Variants in SRCAP observed in about 807,000 individuals in gnomAD.
SRCAP encodes the protein chromatin remodeling protein SRCAP.
In SRCAP, 46 loss-of-function variants were observed where a neutral mutation model predicts 263.1. The ratio of observed to expected loss-of-function variants is 0.17; its 90% CI spans 0.14 to 0.22. The LOEUF (loss-of-function observed/expected upper bound fraction) is 0.22, where lower values mean the gene tolerates loss of function less well. Among genes scored for constraint, SRCAP ranks in the 10% least tolerant of loss-of-function variants. The pLI is 1.00. For synonymous variants in SRCAP, 1,813 were observed against 1,662.1 expected, an observed-to-expected ratio of 1.09 and a Z score of -2.21; for missense variants, 3,695 against 4,181.9, an observed-to-expected ratio of 0.88 and a Z score of 3.21.
At chr16:30,709,454 T>A (rs2052864616) in intron 6 of SRCAP, 59 bp from the exon 7 acceptor site, 4 of 1,587,546 alleles carry the variant, frequency 2.5e-6, no homozygotes, top group Non-Finnish European at 3.5e-6. Context: ...AAACATCGGG[T>A]AAAAGTACAT....
At chr16:30,720,500 G>T (rs891360806) in intron 19 of SRCAP, among the ~76,000 whole-genome samples, 169 bp downstream of exon 19, 4 of 152,172 alleles carry the variant, frequency 2.6e-5, no homozygotes, top group African/African-American at 9.7e-5. Flanking sequence ...GAGGGTACTG[G>T]GATGGGCTTC....
chr16:30,712,526 T>C, intron 13 of SRCAP, 87 bp downstream of exon 13: 2 of 1,518,606 alleles, frequency 1.3e-6, no homozygotes. Context: ...CATTGACTTT[T>C]GCTTTATTGA....
chr16:30,717,861 C>T (rs1378775978), intron 18 of SRCAP, among the ~76,000 whole-genome samples: 1 of 151,494 alleles, frequency 6.6e-6, no homozygotes, highest in Non-Finnish European at 1.5e-5. Context: ...CCCACCTTGG[C>T]CTCCCAAAGT....
chr16:30,733,185 G>A lies in SRCAP; in HGVS notation c.6128-95G>A. The stretch of plus-strand genomic sequence containing the variant: ...AGGCTAATTGAAACTTTGGCTTAAA[G>A]CATTGATTATCTTTCAACCCCAGCC... On this transcript the variant is annotated intron_variant, in intron 27 of 33. Coordinates refer to ENST00000262518, the MANE Select transcript of SRCAP (RefSeq NM_006662.3). This position sits in a 1 kb window ranked among gnomAD's most constrained non-coding sequence, Gnocchi z 5.3. 2 of 1,421,438 alleles carry A rather than the reference G, an allele frequency of 1.4e-6. No homozygotes were observed. The highest frequency in any genetic ancestry group is 9.6e-7 in the Non-Finnish European group (1 of 1,045,932). The allele number at this position is 1,421,438 out of a possible 1,614,324, so 88.1% of individuals were successfully genotyped here. A position where few individuals can be genotyped will look rare whatever the true frequency, so the allele number is the denominator to read the frequency against.
rs769792632 is a variant in SRCAP at position 30,723,116 on chromosome 16, C to T, written c.4046C>T (p.Thr1349Ile). ...GTGTTGAATCCACGCCCCACGTTAA[C>T]CCCTGGCCGGCTACCCACACCTACT... The part of the protein sequence containing the change: ...PAVLNPRPTL[T>I]PGRLPTPTLG... Residue 1349 changes from threonine to isoleucine, a missense_variant, in exon 24 of 34, where the codon ACC becomes ATC. This residue lies in a region of SRCAP where 1,347 missense variants were observed against 1,304.4 expected (regional missense o/e 1.03). Transcript: ENST00000262518. 2 of 1,614,138 alleles carry T rather than the reference C, an allele frequency of 1.2e-6. No individual in the cohort carries two copies. The highest frequency in any genetic ancestry group is 8.5e-7 in the Non-Finnish European group (1 of 1,180,026).
intron 10 of SRCAP, 47 bp downstream of exon 10, chr16:30,711,135 G>C: frequency 1.4e-6 from 2 of 1,440,180 alleles, no homozygotes; most frequent in Non-Finnish European, 1.9e-6. Context: ...GGTGTCTGCG[G>C]TGTGCAGTAC....
rs369063456 is a variant in SRCAP at position 30,729,417 on chromosome 16, A to G, written c.5972A>G (p.His1991Arg). The G allele has an allele frequency of 4.3e-6, 7 of 1,614,046 alleles. No homozygotes were observed. The Admixed American group carries it at 8.3e-5, about 19-fold the overall frequency. The change falls in exon 27 of 34, where the codon CAT becomes CGT. Residue 1991 changes from histidine to arginine, a missense_variant. Physicochemically the swap from His to Arg is conservative, Grantham distance 29. Transcript: ENST00000262518. ...GTGGAGGCACCTCCCCCTTCCCTGC[A>G]TGCCTGCCACCCACCTCCTTGGCTG... ...PPVEAPPPSL[H>R]ACHPPPWLAP...
rs765780505 is a variant in SRCAP at position 30,739,627 on chromosome 16, T to C, written c.9587T>C (p.Leu3196Pro). 7.5e-6 allele frequency: 12 copies of C among 1,591,954 alleles called. No homozygotes were observed. The highest frequency in any genetic ancestry group is 1.0e-5 in the Non-Finnish European group (12 of 1,170,184). Residue 3196 changes from leucine (L) to proline (P), a missense_variant, in exon 34 of 34, where the codon CTT (leucine) becomes CCT (proline). Leu to Pro is a moderately conservative substitution (Grantham distance 98). This residue lies in a region of SRCAP where 1,207 missense variants were observed against 1,142.9 expected (regional missense o/e 1.06). Coordinates refer to ENST00000262518, the MANE Select transcript of SRCAP (RefSeq NM_006662.3). The stretch of plus-strand genomic sequence containing the variant: ...CGCCGACGTCCTGGCCCCCGCCGGC[T>C]TGTTGGGACCACCAACCAAGGGGAC... ...TPRRRPGPRR[L>P]VGTTNQGDQR... is the part of the protein sequence containing the mutation.
rs2052844123 is a variant in SRCAP, at chr16:30,707,802, G to A, written c.633+90G>A. On this transcript the variant is annotated intron_variant, in intron 6 of 33. Coordinates refer to ENST00000262518, the MANE Select transcript of SRCAP (RefSeq NM_006662.3). ...GGAATGATCAAAACTTCTTGAGGGAGTAAATATAATTTCAGGCAACTCTAA... is the reference window on the plus strand; with the variant it reads ...GGAATGATCAAAACTTCTTGAGGGAATAAATATAATTTCAGGCAACTCTAA... The A allele has an allele frequency of 2.7e-6, 4 of 1,499,160 alleles. No homozygotes were observed. The African/African-American group carries it at 4.2e-5, about 16-fold the overall frequency. 92.9% of individuals were successfully genotyped at this position (1,499,160 alleles called of 1,614,324 possible).
At chr16:30,727,850 C>T (rs773774909) in intron 25 of SRCAP, among the ~76,000 whole-genome samples, 22 of 152,104 alleles carry the variant, frequency 1.4e-4, no homozygotes, top group Non-Finnish European at 2.1e-4. Context: ...CCGCGCCTGG[C>T]CCTTGTTTGT....
At chr16:30,722,307 G>A in intron 22 of SRCAP, 21 bp downstream of exon 22, 1 of 1,605,676 alleles carries the variant, frequency 6.2e-7, no homozygotes, top group East Asian at 2.2e-5. Flanking sequence ...CCCACCCCCT[G>A]TCCTGCCTTT....
In SRCAP at chr16:30,707,194, C is replaced by T. The variant is rs371291107; in HGVS notation, c.318C>T (p.Ile106=). 1.5e-5 allele frequency: 25 copies of T among 1,614,088 alleles called. No homozygotes were observed. In the South Asian group the frequency reaches 2.3e-4, roughly 15 times the overall value. ...CTCTCCCTGATTAGGAGGCCGAGAT[C>T]GAGACTCGGATTGCTGAGCTGCGGA... ...IAEQAKHEAE[I]ETRIAELRKE... Residue 106 remains isoleucine (I), a synonymous_variant, in exon 5 of 34, where the codon ATC becomes ATT. Transcript: ENST00000262518.
intron 19 of SRCAP, 72 bp downstream of exon 19, chr16:30,720,403 T>C: frequency 6.5e-7 from 1 of 1,530,344 alleles, no homozygotes; most frequent in Non-Finnish European, 8.9e-7. Flanking sequence ...GGGCCTGGGG[T>C]GGGAAGAAAA....
chr16:30,707,561 C>T lies in SRCAP; in HGVS notation c.493-11C>T, dbSNP rs201747150. On this transcript the variant is annotated splice_polypyrimidine_tract_variant and intron_variant, in intron 5 of 33. Coordinates refer to ENST00000262518, the MANE Select transcript of SRCAP (RefSeq NM_006662.3). Reference sequence around the variant, plus strand: ...TTTGAGTGTTTTCACCCTGGGTCTTCATTCCCACAGGTGGTGCGCATGGTG... The same window carrying T: ...TTTGAGTGTTTTCACCCTGGGTCTTTATTCCCACAGGTGGTGCGCATGGTG... 46 of 1,612,134 alleles carry T rather than the reference C, an allele frequency of 2.9e-5. No individual in the cohort carries two copies. The highest frequency in any genetic ancestry group is 4.0e-5 in the African/African-American group (3 of 75,016).
At chr16:30,706,488 G>A (rs1012807679) in intron 4 of SRCAP, among the ~76,000 whole-genome samples, 1 of 152,046 alleles carries the variant, frequency 6.6e-6, no homozygotes, top group Non-Finnish European at 1.5e-5. Flanking sequence ...TGAATTTTTT[G>A]AGTCGTCTCT....
rs1311797211 is a variant in SRCAP at position 30,712,052 on chromosome 16, T to C, written c.1710T>C (p.Pro570=). ...EQSEADAGSG[P]PTPGPTTLGP... is the part of the protein sequence containing the mutation. ...GTGAGGCAGATGCAGGCAGTGGGCC[T>C]CCTACTCCAGGGCCCACTACTCTAG... The change falls in exon 12 of 34, where the codon CCT becomes CCC. Residue 570 remains proline (P), a synonymous_variant. Transcript: ENST00000262518. 1 of 1,614,044 alleles carries C rather than the reference T, an allele frequency of 6.2e-7. No individual in the cohort carries two copies. Among genetic ancestry groups the C allele is most frequent in the Non-Finnish European group, 8.5e-7 (1 of 1,180,000 alleles).
chr16:30,710,430 C>G (rs1203701190), intron 8 of SRCAP: 1 of 672,676 alleles, frequency 1.5e-6, no homozygotes, highest in African/African-American at 1.8e-5. Context: ...CCCTAATGTT[C>G]CCTTATTGGC....
chr16:30,735,136 ATTTTTTTTTTTTT>A (rs10532453), intron 31 of SRCAP, among the ~76,000 whole-genome samples: 19 of 106,486 alleles, frequency 1.8e-4, no homozygotes, highest in East Asian at 5.1e-4. Context: ...AGTACAAAGC[ATTTTTTTTTTTTT>A]TTTTTTTTTT....
intron 18 of SRCAP, among the ~76,000 whole-genome samples, 190 bp from the exon 19 acceptor site, chr16:30,719,972 C>T (rs1254105513): frequency 1.3e-5 from 2 of 152,088 alleles, no homozygotes; most frequent in Non-Finnish European, 2.9e-5. Flanking sequence ...TCGTTTCTGG[C>T]GTATATTGTT....
Sources: gnomAD v4.1 joint callset for allele counts (sites outside exome capture counted in the v4.1 genomes callset) on GRCh38, gnomAD v4.1.1 for gene constraint, gnomAD v4.1.1 regional missense constraint, Gnocchi (gnomAD v3.1) non-coding constraint, MANE v1.5 for transcripts, NCBI Gene and HGNC (gene_info 2026-07-23, HGNC 2026-07-21) for gene names.